Variants in EPHA7 observed in about 807,000 individuals in gnomAD.
The protein encoded by EPHA7 is EPH receptor A7.
A neutral mutation model predicts 112.6 loss-of-function variants in EPHA7; 25 were observed. That is an observed-to-expected ratio of 0.22 (90% CI 0.16 to 0.31). The LOEUF (loss-of-function observed/expected upper bound fraction) is 0.31, where lower values mean the gene tolerates loss of function less well. Ranked by LOEUF, EPHA7 falls within the 10% of genes least tolerant of loss-of-function variation. The probability of loss-of-function intolerance (pLI) is 1.00; values close to 1 mark genes in which losing one functional copy is unlikely to be tolerated. For missense variants in EPHA7, 962 were observed against 1,212.6 expected (o/e 0.79, Z 3.07); for synonymous variants, 437 against 406.5 (o/e 1.07, Z -0.90).
intron 5 of EPHA7, among the ~76,000 whole-genome samples, chr6:93,306,480 G>T (rs893964851): frequency 6.6e-6 from 1 of 151,960 alleles, no homozygotes; most frequent in Non-Finnish European, 1.5e-5. Flanking sequence ...GCATGGCACA[G>T]TATGATGGAC....
chr6:93,301,398 C>T (rs1481367588), intron 5 of EPHA7, among the ~76,000 whole-genome samples: 1 of 152,044 alleles, frequency 6.6e-6, no homozygotes, highest in Non-Finnish European at 1.5e-5. Context: ...TTGAAATATA[C>T]AAGAAATTTA....
chr6:93,361,694 C>A (rs530295974), intron 3 of EPHA7, among the ~76,000 whole-genome samples: 3 of 151,974 alleles, frequency 2.0e-5, no homozygotes, highest in Non-Finnish European at 4.4e-5. Flanking sequence ...CTTCTGAAAC[C>A]TTAAATTCCC....
At chr6:93,282,177 G>T (rs1771778205) in intron 5 of EPHA7, among the ~76,000 whole-genome samples, 6 of 151,946 alleles carry the variant, frequency 3.9e-5, no homozygotes, top group Admixed American at 2.6e-4. Flanking sequence ...TTAAGAACAG[G>T]GTCCATGAGA....
chr6:93,385,123 T>C (rs1190553278), intron 3 of EPHA7, among the ~76,000 whole-genome samples: 1 of 152,156 alleles, frequency 6.6e-6, no homozygotes, highest in East Asian at 1.9e-4. Flanking sequence ...TTACATAAAA[T>C]GGCACATTTA....
chr6:93,358,414 G>A lies in EPHA7; in HGVS notation c.833-3C>T, dbSNP rs746368268. The A allele has an allele frequency of 1.0e-5, 16 of 1,593,430 alleles. No homozygotes were observed. The highest frequency in any genetic ancestry group is 1.2e-5 in the Non-Finnish European group (14 of 1,171,040). ...CTTGTAGAACCCACGGCCACAGGCTGGGAATGCAAAAGAAAGCAAAAATTG... is the reference window on the plus strand; with the variant it reads ...CTTGTAGAACCCACGGCCACAGGCTAGGAATGCAAAAGAAAGCAAAAATTG... On this transcript the variant is annotated splice_region_variant and splice_polypyrimidine_tract_variant and intron_variant, in intron 3 of 16. Transcript: ENST00000369303.
At chr6:93,387,964 TAGATAGATAG>T in intron 3 of EPHA7, among the ~76,000 whole-genome samples, 1 of 151,938 alleles carries the variant, frequency 6.6e-6, no homozygotes, top group South Asian at 2.1e-4. Context: ...GATAGATAGA[TAGATAGATAG>T]ATAGAATAGA....
intron 5 of EPHA7, among the ~76,000 whole-genome samples, chr6:93,342,254 T>C (rs1353702326): frequency 6.6e-6 from 1 of 151,838 alleles, no homozygotes; most frequent in African/African-American, 2.4e-5. Flanking sequence ...ATTGCAGGTG[T>C]GGAATTCACT....
At chr6:93,368,464 A>T (rs1776622246) in intron 3 of EPHA7, among the ~76,000 whole-genome samples, 1 of 152,096 alleles carries the variant, frequency 6.6e-6, no homozygotes, top group South Asian at 2.1e-4. Context: ...CAATGAGGCT[A>T]ATGAAGGATC....
intron 3 of EPHA7, among the ~76,000 whole-genome samples, chr6:93,403,661 T>TAAAAA (rs59162017): frequency 7.8e-6 from 1 of 128,684 alleles, no homozygotes; most frequent in African/African-American, 2.9e-5. Context: ...ACTCATCTCT[T>TAAAAA]AAAAAAAAAA....
chr6:93,346,525 A>T (rs1346324589), intron 5 of EPHA7, among the ~76,000 whole-genome samples: 1 of 151,788 alleles, frequency 6.6e-6, no homozygotes, highest in Non-Finnish European at 1.5e-5. Flanking sequence ...CCTATTACAA[A>T]TGTGTTAGTT....
At chr6:93,412,770 A>G (rs1779040719) in intron 2 of EPHA7, among the ~76,000 whole-genome samples, 1 of 152,042 alleles carries the variant, frequency 6.6e-6, no homozygotes, top group African/African-American at 2.4e-5. Context: ...AGCTCCAAAG[A>G]TAAATGTGCT....
chr6:93,385,695 G>C (rs962075414), intron 3 of EPHA7, among the ~76,000 whole-genome samples: 1 of 151,990 alleles, frequency 6.6e-6, no homozygotes, highest in African/African-American at 2.4e-5. Flanking sequence ...GATATACATA[G>C]AGATGGTGAT....
chr6:93,415,013 A>G (rs1779157391), intron 1 of EPHA7, among the ~76,000 whole-genome samples: 1 of 152,044 alleles, frequency 6.6e-6, no homozygotes, highest in Non-Finnish European at 1.5e-5. Flanking sequence ...AAATCTTAAA[A>G]TGCAATATTA....
intron 5 of EPHA7, among the ~76,000 whole-genome samples, chr6:93,279,642 G>C (rs1771636380): frequency 6.6e-6 from 1 of 152,074 alleles, no homozygotes; most frequent in Non-Finnish European, 1.5e-5. Flanking sequence ...AAATATTCTA[G>C]AGCAGTGCCA....
At chr6:93,285,788 G>A (rs1358716461) in intron 5 of EPHA7, among the ~76,000 whole-genome samples, 3 of 152,094 alleles carry the variant, frequency 2.0e-5, no homozygotes, top group Admixed American at 6.6e-5. Flanking sequence ...AAGAAATAAC[G>A]AACTCAAAAA....
intron 5 of EPHA7, 70 bp from the exon 6 acceptor site, chr6:93,272,492 T>G: frequency 6.3e-7 from 1 of 1,587,736 alleles, no homozygotes; most frequent in Non-Finnish European, 8.6e-7. Flanking sequence ...ATGTCACAAC[T>G]GATCAGTCCC....
In EPHA7 at chr6:93,419,250, T is replaced by C. The variant is rs1389987827; in HGVS notation, c.92A>G (p.Lys31Arg). Residue 31 changes from lysine (K) to arginine (R), a missense_variant, in exon 1 of 17, where the codon AAG (lysine) becomes AGG (arginine). Lys to Arg is a conservative substitution (Grantham distance 26). Transcript: ENST00000369303. ...FAHTGEAQAA[K>R]EVLLLDSKAQ... is the part of the protein sequence containing the mutation. ...TTGCTTTCCCATCACCTTACCTTCC[T>C]TCGCAGCCTGCGCCTCCCCTGTGTG... The C allele has an allele frequency of 6.2e-7, 1 of 1,613,212 alleles. No individual in the cohort carries two copies. The highest frequency in any genetic ancestry group is 1.3e-5 in the African/African-American group (1 of 74,904).
At chr6:93,285,736 A>G (rs17447791) in intron 5 of EPHA7, among the ~76,000 whole-genome samples, 9,509 of 152,276 alleles carry the variant, frequency 0.062, 389 homozygotes, top group Middle Eastern at 0.11. Context: ...CTCTTGCCAC[A>G]TATGAAGTTC....
chr6:93,355,018 AC>A (rs1775875346), intron 5 of EPHA7, among the ~76,000 whole-genome samples: 1 of 63,092 alleles, frequency 1.6e-5, no homozygotes, highest in African/African-American at 1.1e-4. Flanking sequence ...AAACCTAAAA[AC>A]GTTTCAAATC....
Sources: gnomAD v4.1 joint callset for allele counts (sites outside exome capture counted in the v4.1 genomes callset) on GRCh38, gnomAD v4.1.1 for gene constraint, MANE v1.5 for transcripts, NCBI Gene and HGNC (gene_info 2026-07-23, HGNC 2026-07-21) for gene names.